THADA: variants seen among roughly 807,000 people sequenced by gnomAD.
THADA encodes the protein THADA armadillo repeat containing, also known as tRNA (32-2'-O)-methyltransferase regulator THADA.
A neutral mutation model predicts 219.8 loss-of-function variants in THADA; 213 were observed. That is an observed-to-expected ratio of 0.97 (90% CI 0.87 to 1.09). THADA has a LOEUF of 1.09. Ranked by LOEUF, THADA falls within the 50% of genes least tolerant of loss-of-function variation. The pLI is 0.00. For synonymous variants in THADA, 1,018 were observed against 828.9 expected (o/e 1.23, Z -3.92); for missense variants, 2,956 against 2,311.3 (o/e 1.28, Z -5.72).
chr2:43,560,200 A>G (rs2103935126), intron 16 of THADA, 34 bp downstream of exon 16: 1 of 1,581,892 alleles, frequency 6.3e-7, no homozygotes, highest in South Asian at 1.2e-5. Context: ...GTTTCCATGC[A>G]TATACCACAT....
chr2:43,285,377 T>C (rs530049779), intron 35 of THADA, among the ~76,000 whole-genome samples: 35 of 152,150 alleles, frequency 2.3e-4, no homozygotes, highest in Admixed American at 7.9e-4. Flanking sequence ...TCTGATGGTT[T>C]TAAAGTGTGT....
chr2:43,541,341 T>C (rs760789725), intron 20 of THADA, 25 bp from the exon 21 acceptor site: 4 of 1,610,118 alleles, frequency 2.5e-6, no homozygotes, highest in South Asian at 1.1e-5. Flanking sequence ...AACACAACGA[T>C]TGCAACCTTG....
intron 16 of THADA, among the ~76,000 whole-genome samples, chr2:43,559,727 G>C (rs1697833341): frequency 6.6e-6 from 1 of 152,222 alleles, no homozygotes; most frequent in Admixed American, 6.5e-5. Context: ...TAGAGCACTA[G>C]GAACTGTTGT....
At chr2:43,380,069 T>C (rs1446457901) in intron 29 of THADA, among the ~76,000 whole-genome samples, 1 of 152,178 alleles carries the variant, frequency 6.6e-6, no homozygotes, top group Non-Finnish European at 1.5e-5. Context: ...TTTTAGGGTG[T>C]GGAACTAATC....
intron 34 of THADA, 99 bp downstream of exon 34, chr2:43,291,597 G>T (rs1674731572): frequency 2.7e-6 from 2 of 753,354 alleles, no homozygotes; most frequent in Non-Finnish European, 4.0e-6. Context: ...CATATCACAG[G>T]GGTTCTGCCT....
At chr2:43,400,203 T>C (rs1011815466) in intron 28 of THADA, among the ~76,000 whole-genome samples, 3 of 152,088 alleles carry the variant, frequency 2.0e-5, no homozygotes, top group African/African-American at 7.2e-5. Context: ...CTGGCATCCA[T>C]ACAAGAGGAA....
chr2:43,594,538 C>T (rs1397967306), intron 1 of THADA, among the ~76,000 whole-genome samples: 5 of 151,980 alleles, frequency 3.3e-5, no homozygotes, highest in South Asian at 2.1e-4. Context: ...GAGCCGAGAT[C>T]GTGCCACTGC....
Position 43,448,767 on chromosome 2 carries a change from C to A in THADA, c.3837-18465G>T, listed in dbSNP as rs562534244. On this transcript the variant is annotated intron_variant, in intron 26 of 37. Transcript: ENST00000405975. ...CTTACACATCAGGCAGACCCCCTGA[C>A]ACAGACAAAGCCTACCACAATCAAA... is the stretch of plus-strand genomic sequence containing the variant. Among the ~76,000 whole-genome samples the A allele has an allele frequency of 7.2e-5, 11 of 152,130 alleles. No individual in the cohort carries two copies. In the South Asian group the frequency reaches 2.1e-3, roughly 29 times the overall value.
At chr2:43,235,866 G>A (rs1667975265) in intron 36 of THADA, among the ~76,000 whole-genome samples, 1 of 151,804 alleles carries the variant, frequency 6.6e-6, no homozygotes, top group Non-Finnish European at 1.5e-5. Flanking sequence ...GAGTGCAGTG[G>A]CGGGATCTCG....
At chr2:43,523,091 C>T (rs888732213) in intron 22 of THADA, among the ~76,000 whole-genome samples, 8 of 152,038 alleles carry the variant, frequency 5.3e-5, no homozygotes, top group Non-Finnish European at 1.0e-4. Flanking sequence ...TTAGGCTGGG[C>T]GCGGTGGCTC....
chr2:43,242,896 C>T (rs996277306), intron 36 of THADA, among the ~76,000 whole-genome samples: 8 of 152,310 alleles, frequency 5.3e-5, no homozygotes, highest in South Asian at 2.1e-4. Context: ...ATTCTGTGCC[C>T]CTCCTCCACC....
intron 30 of THADA, among the ~76,000 whole-genome samples, chr2:43,332,763 C>T (rs904147076): frequency 6.6e-6 from 1 of 152,202 alleles, no homozygotes; most frequent in Non-Finnish European, 1.5e-5. Flanking sequence ...AAGCCAACAG[C>T]TACAAGTGGA....
At chr2:43,335,387 C>T (rs149329629) in intron 30 of THADA, among the ~76,000 whole-genome samples, 2 of 152,152 alleles carry the variant, frequency 1.3e-5, no homozygotes, top group South Asian at 2.1e-4. Flanking sequence ...TGTGTGAAAA[C>T]GGATAAATCC....
At position 43,575,047 on chromosome 2, in the gene THADA, G is replaced by A. The variant is rs1488776847; in HGVS notation, c.1038-20C>T. The A allele has an allele frequency of 1.3e-6, 2 of 1,565,574 alleles. No individual in the cohort carries two copies. Among genetic ancestry groups the A allele is most frequent in the Non-Finnish European group, 1.7e-6 (2 of 1,155,320 alleles). ...TTAATCCTGAAGAAAAATGAGCCAT[G>A]AGCCATTATTGTAAACTGATTAGTA... On this transcript the variant is annotated intron_variant, in intron 10 of 37. Transcript: ENST00000405975.
intron 26 of THADA, among the ~76,000 whole-genome samples, chr2:43,438,733 A>G (rs1680464612): frequency 6.6e-6 from 1 of 152,212 alleles, no homozygotes; most frequent in African/African-American, 2.4e-5. Flanking sequence ...ATACATTTCC[A>G]TACCCCTAGT....
At chr2:43,394,512 C>A (rs1376599887) in intron 29 of THADA, among the ~76,000 whole-genome samples, 1 of 152,208 alleles carries the variant, frequency 6.6e-6, no homozygotes, top group South Asian at 2.1e-4. Flanking sequence ...ATTTATTTAG[C>A]TGGCTCTGGA....
intron 36 of THADA, among the ~76,000 whole-genome samples, chr2:43,241,119 T>TAA (rs1291643739): frequency 2.6e-5 from 4 of 151,948 alleles, no homozygotes; most frequent in Non-Finnish European, 4.4e-5. Context: ...TGAGACAGGG[T>TAA]CTCACTCTGT....
chr2:43,294,861 G>A (rs1448789675), intron 31 of THADA, among the ~76,000 whole-genome samples: 4 of 152,186 alleles, frequency 2.6e-5, no homozygotes, highest in African/African-American at 7.2e-5. Context: ...AAACACTGAA[G>A]GGATAAAACT....
At chr2:43,365,907 A>G (rs1213986524) in intron 29 of THADA, among the ~76,000 whole-genome samples, 2 of 152,204 alleles carry the variant, frequency 1.3e-5, no homozygotes, top group Non-Finnish European at 2.9e-5. Context: ...TGAGGGGTGC[A>G]AGGGAGATAA....
Sources: allele counts gnomAD v4.1 joint callset (sites outside exome capture counted in the v4.1 genomes callset), GRCh38; gene constraint gnomAD v4.1.1; transcripts MANE v1.5; gene names NCBI Gene and HGNC (gene_info 2026-07-23, HGNC 2026-07-21).